The following VCPIP1 variants were observed in gnomAD, a reference collection of about 807,000 sequenced individuals.
VCPIP1 encodes deubiquitinating protein VCPIP1.
Under a neutral mutation model 85.0 loss-of-function variants are expected in VCPIP1, and 8 were observed. The observed-to-expected ratio is 0.09, with a 90% CI of 0.06 to 0.17. The LOEUF (loss-of-function observed/expected upper bound fraction) is 0.17. Ranked by LOEUF, VCPIP1 falls within the 10% of genes least tolerant of loss-of-function variation. The pLI, the probability that VCPIP1 is intolerant of heterozygous loss-of-function variation, is 1.00. For missense variants in VCPIP1, 1,070 were observed against 1,486.3 expected (o/e 0.72, Z 4.61); for synonymous variants, 543 against 544.5 (o/e 1.00, Z 0.04).
At chr8:66,662,183 T>A (rs563435010) in intron 1 of VCPIP1, among the ~76,000 whole-genome samples, 1 of 152,276 alleles carries the variant, frequency 6.6e-6, no homozygotes, top group South Asian at 2.1e-4. Context: ...CACCTGTACA[T>A]CAAAACTTGT....
chr8:66,636,637 G>A (rs191559590), intron 2 of VCPIP1, among the ~76,000 whole-genome samples: 2 of 152,182 alleles, frequency 1.3e-5, no homozygotes, highest in African/African-American at 4.8e-5. Context: ...CAGCTACTCA[G>A]GAGGCTGAGG....
rs566396252 is a variant in VCPIP1, at chr8:66,630,432, A to G, written c.*4069T>C. The G allele has an allele frequency of 3.9e-5, 6 of 152,726 alleles. No individual in the cohort carries two copies. In the South Asian group the frequency reaches 1.2e-3, roughly 32 times the overall value. The allele number at this position is 152,726 out of a possible 1,614,324, so 9.5% of individuals were successfully genotyped here. The stretch of plus-strand genomic sequence containing the variant: ...TCAAATAAGCCTGAAAATACTGGCA[A>G]CCTTTTCAGTCTTGCATTGCTCTAC... On this transcript the variant is annotated 3_prime_UTR_variant, in exon 3 of 3. Transcript: ENST00000310421.
chr8:66,643,920 A>C (rs1233671559), intron 2 of VCPIP1, among the ~76,000 whole-genome samples: 4 of 151,498 alleles, frequency 2.6e-5, no homozygotes, highest in Non-Finnish European at 5.9e-5. Flanking sequence ...CAAGTTGCCA[A>C]GATCAGAAAT....
chr8:66,665,525 A>C lies in VCPIP1; in HGVS notation c.1434T>G (p.Leu478=). 5 of 1,614,120 alleles carry C rather than the reference A, an allele frequency of 3.1e-6. No individual in the cohort carries two copies. The highest frequency in any genetic ancestry group is 4.2e-6 in the Non-Finnish European group (5 of 1,179,962). Residue 478 remains leucine, a synonymous_variant, in exon 1 of 3, where the codon CTT becomes CTG. Transcript: ENST00000310421. The surrounding 1 kb of genome is among the most constrained non-coding windows in gnomAD (Gnocchi z 4.3). ...GAGCCAACCACTCTGGAGGAACATGAAGTTCAGAAAGGGCACCACAGAGCA... is the reference window on the plus strand; with the variant it reads ...GAGCCAACCACTCTGGAGGAACATGCAGTTCAGAAAGGGCACCACAGAGCA... ...KCLLCGALSE[L]HVPPEWLAPG... is the part of the protein sequence containing the mutation.
chr8:66,647,046 TTAAA>T lies in VCPIP1; in HGVS notation c.2797+4408_2797+4411del, dbSNP rs1811002827. On this transcript the variant is annotated intron_variant, in intron 2 of 2. Coordinates refer to ENST00000310421, the MANE Select transcript of VCPIP1 (RefSeq NM_025054.5). Reference sequence around the variant, plus strand: ...TCTCAAAAATAAATAAATAAGTAAATTAAATAAATAAATAGGCCAGGCATGGTGG... The same window carrying T: ...TCTCAAAAATAAATAAATAAGTAAATTAAATAAATAGGCCAGGCATGGTGG... 2.1e-5 allele frequency among the ~76,000 whole-genome samples: 3 copies of T among 146,042 alleles called. No homozygotes were observed. In the Admixed American group the frequency reaches 2.1e-4, roughly 10 times the overall value.
At chr8:66,646,464 GGC>G (rs1810996564) in intron 2 of VCPIP1, among the ~76,000 whole-genome samples, 1 of 152,120 alleles carries the variant, frequency 6.6e-6, no homozygotes, top group African/African-American at 2.4e-5. Context: ...TAAAAATCCT[GGC>G]AGACTCTTTT....
intron 1 of VCPIP1, among the ~76,000 whole-genome samples, chr8:66,664,019 T>C (rs1016537267): frequency 3.3e-5 from 5 of 152,240 alleles, no homozygotes; most frequent in African/African-American, 4.8e-5. Flanking sequence ...ATTTAAATAA[T>C]CTGTTGACTA....
At position 66,666,855 on chromosome 8, in the gene VCPIP1, C is replaced by A. The variant is rs773714036; in HGVS notation, c.104G>T (p.Gly35Val). 2.5e-6 allele frequency: 4 copies of A among 1,613,318 alleles called. No individual in the cohort carries two copies. The highest frequency in any genetic ancestry group is 1.7e-6 in the Non-Finnish European group (2 of 1,179,930). Residue 35 changes from glycine (G) to valine (V), a missense_variant, in exon 1 of 3, where the codon GGG (glycine) becomes GTG (valine). Coordinates refer to ENST00000310421, the MANE Select transcript of VCPIP1 (RefSeq NM_025054.5). The surrounding 1 kb of genome is among the most constrained non-coding windows in gnomAD (Gnocchi z 6.3). ...TCTCCGGTCTCTCCGCTTCAAAAGCCCCCCCGAAGCAGCCGCCGACGCCAA... is the reference window on the plus strand; with the variant it reads ...TCTCCGGTCTCTCCGCTTCAAAAGCACCCCCGAAGCAGCCGCCGACGCCAA... ...SSLASAAASG[G>V]LLKRRDRRIL...
chr8:66,650,901 A>G (rs571114646), intron 2 of VCPIP1, among the ~76,000 whole-genome samples: 4 of 148,496 alleles, frequency 2.7e-5, no homozygotes, highest in African/African-American at 9.9e-5. Flanking sequence ...AATCATACAC[A>G]TGGCCGGGCA....
intron 2 of VCPIP1, among the ~76,000 whole-genome samples, chr8:66,635,673 A>AGGCTAAGG (rs1174777749): frequency 6.6e-6 from 1 of 152,164 alleles, no homozygotes; most frequent in Non-Finnish European, 1.5e-5. Context: ...GCACTTTGGG[A>AGGCTAAGG]GGCTAAGGCA....
intron 2 of VCPIP1, among the ~76,000 whole-genome samples, chr8:66,643,471 G>A (rs992131801): frequency 2.6e-5 from 4 of 152,090 alleles, no homozygotes; most frequent in African/African-American, 9.7e-5. Context: ...GAAGGCCAAG[G>A]TGGGTAGATC....
In VCPIP1 at chr8:66,633,580, T is replaced by C. The variant is rs1810854569; in HGVS notation, c.*921A>G. On this transcript the variant is annotated 3_prime_UTR_variant, in exon 3 of 3. Transcript: ENST00000310421. ...GGATTCTGAAAAAAAAAAAAAAATT[T>C]TGGCTCAAAGGGGCATAAATACACT... 6.6e-6 allele frequency: 1 copy of C among 151,868 alleles called. No individual in the cohort carries two copies. The highest frequency in any genetic ancestry group is 2.4e-5 in the African/African-American group (1 of 41,356). 9.4% of individuals were successfully genotyped at this position (151,868 alleles called of 1,614,324 possible). A position where few individuals can be genotyped will look rare whatever the true frequency, so the allele number is the denominator to read the frequency against.
At position 66,631,662 on chromosome 8, in the gene VCPIP1, T is replaced by C. The variant is rs1343764579; in HGVS notation, c.*2839A>G. On this transcript the variant is annotated 3_prime_UTR_variant, in exon 3 of 3. Transcript: ENST00000310421. The stretch of plus-strand genomic sequence containing the variant: ...CTGTAAAAACCAAACTAAAAATCAC[T>C]GGAAGACACAGAGCCAGTATCAGTC... 3.9e-5 allele frequency: 6 copies of C among 154,118 alleles called. No individual in the cohort carries two copies. Among genetic ancestry groups the C allele is most frequent in the African/African-American group, 1.4e-4 (6 of 41,512 alleles). The allele number at this position is 154,118 out of a possible 1,614,324, so 9.5% of individuals were successfully genotyped here.
Position 66,634,622 on chromosome 8 carries a change from A to T in VCPIP1, c.3548T>A (p.Leu1183Gln). The change falls in exon 3 of 3, where the codon CTG becomes CAG. Residue 1183 changes from leucine to glutamine, a missense_variant. Transcript: ENST00000310421. ...TGACCTTGTGGCAAAGGCTGCTCCCAGTGCATCTGCTACACAGCCATCAGT... is the reference window on the plus strand; with the variant it reads ...TGACCTTGTGGCAAAGGCTGCTCCCTGTGCATCTGCTACACAGCCATCAGT... ...ETTDGCVADA[L>Q]GAAFATRSKA... 4 of 1,614,186 alleles carry T rather than the reference A, an allele frequency of 2.5e-6. No individual in the cohort carries two copies. The highest frequency in any genetic ancestry group is 3.4e-6 in the Non-Finnish European group (4 of 1,180,036).
intron 1 of VCPIP1, among the ~76,000 whole-genome samples, chr8:66,658,890 T>C (rs923981479): frequency 1.3e-5 from 2 of 152,166 alleles, no homozygotes; most frequent in African/African-American, 4.8e-5. Flanking sequence ...CACACAATTC[T>C]TTCAGGAACA....
At chr8:66,652,116 G>A (rs1016471304) in intron 1 of VCPIP1, among the ~76,000 whole-genome samples, 1 of 152,106 alleles carries the variant, frequency 6.6e-6, no homozygotes, top group African/African-American at 2.4e-5. Context: ...CCTTGTGCAC[G>A]GGAGGTGAAG....
Position 66,667,039 on chromosome 8 carries a change from G to C in VCPIP1, c.-81C>G. 2 of 1,438,680 alleles carry C rather than the reference G, an allele frequency of 1.4e-6. No homozygotes were observed. The highest frequency in any genetic ancestry group is 1.8e-6 in the Non-Finnish European group (2 of 1,099,730). 89.1% of individuals were successfully genotyped at this position (1,438,680 alleles called of 1,614,324 possible). The stretch of plus-strand genomic sequence containing the variant: ...GCCCAGACCCCCACCAACCCGACTC[G>C]GTCCAGTCCAGGCCCAGGGCGAAGC... On this transcript the variant is annotated 5_prime_UTR_variant, in exon 1 of 3. Coordinates refer to ENST00000310421, the MANE Select transcript of VCPIP1 (RefSeq NM_025054.5).
rs1179088320 is a variant in VCPIP1, at chr8:66,630,016, T to A, written c.*4485A>T. 1 of 152,182 alleles carries A rather than the reference T, an allele frequency of 6.6e-6. No homozygotes were observed. Among genetic ancestry groups the A allele is most frequent in the African/African-American group, 2.4e-5 (1 of 41,446 alleles). The allele number at this position is 152,182 out of a possible 1,614,324, so 9.4% of individuals were successfully genotyped here. ...TAAAACTGAACTATATGTTCATGCA[T>A]TATAATTCCAGGAAACTAAAGAACA... is the stretch of plus-strand genomic sequence containing the variant. On this transcript the variant is annotated 3_prime_UTR_variant, in exon 3 of 3. Coordinates refer to ENST00000310421, the MANE Select transcript of VCPIP1 (RefSeq NM_025054.5).
rs574443637 is a variant in VCPIP1 at position 66,653,116 on chromosome 8, T to C, written c.2711-1572A>G. On this transcript the variant is annotated intron_variant, in intron 1 of 2. Coordinates refer to ENST00000310421, the MANE Select transcript of VCPIP1 (RefSeq NM_025054.5). ...TTAAAGTAGACAAGTTTTAGAAGAC[T>C]TGACAATTAAAGTTTCAGTTAATCA... Among the ~76,000 whole-genome samples the C allele has an allele frequency of 3.7e-4, 56 of 152,334 alleles. No homozygotes were observed. The South Asian group carries it at 0.011, about 29-fold the overall frequency.
Sources: allele counts gnomAD v4.1 joint callset (sites outside exome capture counted in the v4.1 genomes callset), GRCh38; gene constraint gnomAD v4.1.1; non-coding constraint Gnocchi (gnomAD v3.1); transcripts MANE v1.5; gene names NCBI Gene and HGNC (gene_info 2026-07-23, HGNC 2026-07-21).